The following RNF180 variants were observed in gnomAD, a reference collection of about 807,000 sequenced individuals.
RNF180 encodes the protein ring finger protein 180, also known as E3 ubiquitin-protein ligase RNF180.
Under a neutral mutation model 59.2 loss-of-function variants are expected in RNF180, and 38 were observed. The observed-to-expected ratio is 0.64, with a 90% CI of 0.50 to 0.84. RNF180 has a LOEUF of 0.84. Ranked by LOEUF, RNF180 falls within the 40% of genes least tolerant of loss-of-function variation. The probability of loss-of-function intolerance (pLI) is 0.00; values close to 1 mark genes in which losing one functional copy is unlikely to be tolerated. For synonymous variants in RNF180, 262 were observed against 240.3 expected (o/e 1.09, Z -0.84); for missense variants, 705 against 700.9 (o/e 1.01, Z -0.07).
At chr5:64,222,827 C>A (rs1267887014) in intron 5 of RNF180, among the ~76,000 whole-genome samples, 1 of 152,196 alleles carries the variant, frequency 6.6e-6, no homozygotes, top group African/African-American at 2.4e-5. Flanking sequence ...CTCTTCTCTG[C>A]ACATGAGTTT....
rs181819228 is a variant in RNF180, at chr5:64,358,361, C to T, written c.1580-11254C>T. On this transcript the variant is annotated intron_variant, in intron 7 of 7. Transcript: ENST00000389100. ...CATGGCCTTCGTAACTTCCAGGGGA[C>T]AGGGAAGCACAAACCAACCATGTAA... 3.4e-3 allele frequency among the ~76,000 whole-genome samples: 521 copies of T among 151,922 alleles called. 1 individual carries two copies. The highest frequency in any genetic ancestry group is 0.012 in the African/African-American group (512 of 41,526).
intron 5 of RNF180, among the ~76,000 whole-genome samples, chr5:64,232,985 C>T (rs1742190382): frequency 6.6e-6 from 1 of 152,162 alleles, no homozygotes; most frequent in Non-Finnish European, 1.5e-5. Flanking sequence ...CCATCCTCTG[C>T]ATATCTCATG....
chr5:64,260,207 T>C (rs1225310957), intron 5 of RNF180, among the ~76,000 whole-genome samples: 2 of 152,112 alleles, frequency 1.3e-5, no homozygotes, highest in African/African-American at 2.4e-5. Context: ...TGAACTGTTT[T>C]CCCCCTCAAA....
chr5:64,369,762 T>C lies in RNF180; in HGVS notation c.1727T>C (p.Val576Ala). 3 of 1,529,604 alleles carry C rather than the reference T, an allele frequency of 2.0e-6. No individual in the cohort carries two copies. Among genetic ancestry groups the C allele is most frequent in the South Asian group, 1.3e-5 (1 of 79,778 alleles). The allele number at this position is 1,529,604 out of a possible 1,614,324, so 94.8% of individuals were successfully genotyped here. The change falls in exon 8 of 8, where the codon GTC becomes GCC. Residue 576 changes from valine to alanine, a missense_variant. Physicochemically the swap from Val to Ala is moderately conservative, Grantham distance 64. Coordinates refer to ENST00000389100, the MANE Select transcript of RNF180 (RefSeq NM_001113561.2). ...VIIYIYSVNW[V>A]IGFIVFCFLC... ...ATATATATTTATTCAGTGAACTGGG[T>C]CATTGGATTCATTGTTTTCTGCTTT...
intron 5 of RNF180, among the ~76,000 whole-genome samples, chr5:64,316,842 T>C (rs1744062594): frequency 6.6e-6 from 1 of 152,310 alleles, no homozygotes; most frequent in African/African-American, 2.4e-5. Context: ...AATTTTGCAC[T>C]GAAATACAGA....
intron 2 of RNF180, among the ~76,000 whole-genome samples, 153 bp from the exon 3 acceptor site, chr5:64,211,912 G>GT (rs1171636224): frequency 6.6e-6 from 1 of 152,040 alleles, no homozygotes; most frequent in African/African-American, 2.4e-5. Flanking sequence ...TTGTGGGCTT[G>GT]TTTTTTTATT....
intron 2 of RNF180, among the ~76,000 whole-genome samples, chr5:64,209,793 G>A (rs1238062166): frequency 6.6e-6 from 1 of 152,054 alleles, no homozygotes; most frequent in Non-Finnish European, 1.5e-5. Context: ...TTAGAGTTAT[G>A]CTAATCTTCA....
At chr5:64,289,697 T>A (rs939027082) in intron 5 of RNF180, among the ~76,000 whole-genome samples, 4 of 152,206 alleles carry the variant, frequency 2.6e-5, no homozygotes, top group Non-Finnish European at 4.4e-5. Context: ...TATAGTATTC[T>A]CTGTTGGTTG....
chr5:64,217,855 G>A (rs1166041598), intron 5 of RNF180: 1 of 152,154 alleles, frequency 6.6e-6, no homozygotes, highest in Admixed American at 6.6e-5. Context: ...CTACTTGGAG[G>A]CTGAGGTCAG....
At chr5:64,235,470 T>C (rs1742380562) in intron 5 of RNF180, among the ~76,000 whole-genome samples, 1 of 152,054 alleles carries the variant, frequency 6.6e-6, no homozygotes, top group Non-Finnish European at 1.5e-5. Flanking sequence ...CTGTTTCCCC[T>C]TAGGATAAAT....
intron 1 of RNF180, among the ~76,000 whole-genome samples, chr5:64,191,326 G>A (rs1468402645): frequency 2.6e-4 from 40 of 152,094 alleles, no homozygotes; most frequent in Admixed American, 2.6e-3. Context: ...ATTTACATTA[G>A]GATTTATTCT....
chr5:64,370,466 T>C lies in RNF180; in HGVS notation c.*652T>C, dbSNP rs1746624225. On this transcript the variant is annotated 3_prime_UTR_variant, in exon 8 of 8. Transcript: ENST00000389100. ...AAACACTTTAGCTAGCTATAAACAC[T>C]TTCCAGATTGAAGGATTAATCACCA... The C allele has an allele frequency of 6.6e-6, 1 of 151,660 alleles. No individual in the cohort carries two copies. Among genetic ancestry groups the C allele is most frequent in the African/African-American group, 2.4e-5 (1 of 41,380 alleles). The allele number at this position is 151,660 out of a possible 1,614,324, so 9.4% of individuals were successfully genotyped here.
chr5:64,294,345 G>T (rs977033493), intron 5 of RNF180, among the ~76,000 whole-genome samples: 6 of 151,990 alleles, frequency 3.9e-5, no homozygotes, highest in East Asian at 1.9e-4. Context: ...CATCTCATTT[G>T]CCCCATAAAT....
chr5:64,322,372 A>G (rs1052270388), intron 5 of RNF180, among the ~76,000 whole-genome samples: 1 of 152,142 alleles, frequency 6.6e-6, no homozygotes, highest in African/African-American at 2.4e-5. Context: ...AATTTTATGC[A>G]GCCAACAAAC....
intron 7 of RNF180, among the ~76,000 whole-genome samples, chr5:64,354,606 C>A (rs562283234): frequency 1.9e-4 from 29 of 151,852 alleles, no homozygotes; most frequent in African/African-American, 5.8e-4. Context: ...ATGAGGACAA[C>A]ACTACCTCAG....
chr5:64,199,599 G>A (rs1373679868), intron 1 of RNF180, among the ~76,000 whole-genome samples: 1 of 152,162 alleles, frequency 6.6e-6, no homozygotes, highest in Admixed American at 6.5e-5. Context: ...TCATTTTCAT[G>A]TTCCCAGAGT....
chr5:64,174,632 T>G (rs1750130129), intron 1 of RNF180, among the ~76,000 whole-genome samples: 1 of 152,168 alleles, frequency 6.6e-6, no homozygotes. Context: ...TCTATTCAGG[T>G]CTTTTGCCCA....
intron 5 of RNF180, among the ~76,000 whole-genome samples, chr5:64,290,376 T>C (rs947750814): frequency 1.3e-5 from 2 of 152,248 alleles, no homozygotes; most frequent in Non-Finnish European, 2.9e-5. Context: ...GAGAGTTTTG[T>C]AGATATCTAT....
chr5:64,177,914 G>T (rs1274105204), intron 1 of RNF180, among the ~76,000 whole-genome samples: 1 of 152,000 alleles, frequency 6.6e-6, no homozygotes. Flanking sequence ...ATGTAGAAAA[G>T]GCTGCCTGGG....
Sources: allele counts gnomAD v4.1 joint callset (sites outside exome capture counted in the v4.1 genomes callset), GRCh38; gene constraint gnomAD v4.1.1; transcripts MANE v1.5; gene names NCBI Gene and HGNC (gene_info 2026-07-23, HGNC 2026-07-21).